Variants in CDS1 observed in about 807,000 individuals in gnomAD.
CDS1 encodes CDP-diacylglycerol synthase 1.
A neutral mutation model predicts 62.1 loss-of-function variants in CDS1; 41 were observed. The ratio of observed to expected loss-of-function variants is 0.66; its 90% CI spans 0.51 to 0.86. CDS1 has a LOEUF of 0.86. Among genes scored for constraint, CDS1 ranks in the 40% least tolerant of loss-of-function variants. The probability of loss-of-function intolerance (pLI) is 0.00; values close to 1 mark genes in which losing one functional copy is unlikely to be tolerated. For synonymous variants in CDS1, 185 were observed against 192.6 expected (o/e 0.96, Z 0.32); for missense variants, 470 against 550.1 (o/e 0.85, Z 1.46).
At chr4:84,630,376 A>T (rs1028798748) in intron 5 of CDS1, among the ~76,000 whole-genome samples, 6 of 152,102 alleles carry the variant, frequency 3.9e-5, no homozygotes, top group Non-Finnish European at 8.8e-5. Context: ...CTCATAGATG[A>T]CAAATAGGAG....
At chr4:84,623,040 C>T (rs191143815) in intron 5 of CDS1, among the ~76,000 whole-genome samples, 1 of 152,100 alleles carries the variant, frequency 6.6e-6, no homozygotes, top group Admixed American at 6.5e-5. Flanking sequence ...TGACCCATGT[C>T]TGTTGGTAGT....
chr4:84,639,143 C>T (rs9784505), intron 9 of CDS1, 151 bp downstream of exon 9: 25,441 of 340,566 alleles, frequency 0.075, 5,656 homozygotes, highest in African/African-American at 0.49. Context: ...TGTACCTCAG[C>T]AGCCCTTATC....
At chr4:84,632,729 C>G (rs1299723184) in intron 6 of CDS1, among the ~76,000 whole-genome samples, 1 of 152,060 alleles carries the variant, frequency 6.6e-6, no homozygotes, top group Non-Finnish European at 1.5e-5. Flanking sequence ...TTTAAGCAAT[C>G]AGAGTAAAAG....
Position 84,583,225 on chromosome 4 carries a change from T to A in CDS1, c.-177T>A. 5 of 513,298 alleles carry A rather than the reference T, an allele frequency of 9.7e-6. No homozygotes were observed. Among genetic ancestry groups the A allele is most frequent in the Non-Finnish European group, 1.7e-5 (5 of 291,604 alleles). The allele number at this position is 513,298 out of a possible 1,614,324, so 31.8% of individuals were successfully genotyped here. The stretch of plus-strand genomic sequence containing the variant: ...CTCGAGCGCTCTCTCGTTGATGCCG[T>A]TTTGGAGGTGACCGGCGCGGCGGCC... On this transcript the variant is annotated 5_prime_UTR_variant, in exon 1 of 13. Coordinates refer to ENST00000295887, the MANE Select transcript of CDS1 (RefSeq NM_001263.4).
At position 84,650,824 on chromosome 4, in the gene CDS1, T is replaced by G. The variant is rs974246905; in HGVS notation, c.*2138T>G. On this transcript the variant is annotated 3_prime_UTR_variant, in exon 13 of 13. Transcript: ENST00000295887. ...CTCGATTGACCTTTTTAGCATACTT[T>G]TATAGCATGTATATTAAAATAGAAT... 2.6e-5 allele frequency: 4 copies of G among 152,214 alleles called. No individual in the cohort carries two copies. Among genetic ancestry groups the G allele is most frequent in the Non-Finnish European group, 5.9e-5 (4 of 68,040 alleles). The allele number at this position is 152,214 out of a possible 1,614,324, so 9.4% of individuals were successfully genotyped here.
rs563606023 is a variant in CDS1 at position 84,583,439 on chromosome 4, C to T, written c.38C>T (p.Pro13Leu). 70 of 1,594,406 alleles carry T rather than the reference C, an allele frequency of 4.4e-5. 1 individual carries two copies. In the East Asian group the frequency reaches 1.4e-3, roughly 33 times the overall value. ...ELRHRGSCPGPREAVSPPHRE... is the reference protein window; with the variant it reads ...ELRHRGSCPGLREAVSPPHRE... ...AGGCACCGGGGAAGCTGCCCCGGCC[C>T]CAGGGAAGCGGTGTCGCCGCCACAC... The change falls in exon 1 of 13, where the codon CCC becomes CTC. Residue 13 changes from proline (P) to leucine (L), a missense_variant. Pro to Leu is a moderately conservative substitution (Grantham distance 98). Coordinates refer to ENST00000295887, the MANE Select transcript of CDS1 (RefSeq NM_001263.4).
intron 4 of CDS1, among the ~76,000 whole-genome samples, chr4:84,617,985 A>G (rs1263525811): frequency 1.3e-5 from 2 of 152,104 alleles, no homozygotes; most frequent in Non-Finnish European, 2.9e-5. Flanking sequence ...TTTTAGCAAA[A>G]TATTTACATA....
chr4:84,635,296 A>G lies in CDS1; in HGVS notation c.755A>G (p.Asn252Ser), dbSNP rs1560481283. 1 of 1,582,046 alleles carries G rather than the reference A, an allele frequency of 6.3e-7. No homozygotes were observed. The highest frequency in any genetic ancestry group is 8.6e-7 in the Non-Finnish European group (1 of 1,162,030). ...FLVPISSVIC[N>S]DITAYLFGFF... is the part of the protein sequence containing the mutation. ...GTTCCAATATCAAGTGTTATCTGCA[A>G]TGACATAACTGCTTACCTTTTTGGA... Residue 252 changes from asparagine (N) to serine (S), a missense_variant, in exon 8 of 13, where the codon AAT becomes AGT. Physicochemically the swap from Asn to Ser is conservative, Grantham distance 46. This residue lies in a region of CDS1 where 214 missense variants were observed against 242.4 expected (regional missense o/e 0.88). Transcript: ENST00000295887.
chr4:84,612,963 TG>T (rs1370351573), intron 3 of CDS1, among the ~76,000 whole-genome samples: 7 of 144,040 alleles, frequency 4.9e-5, no homozygotes, highest in African/African-American at 1.8e-4. Flanking sequence ...CACTCCAGTC[TG>T]GGTGACAGAG....
intron 4 of CDS1, among the ~76,000 whole-genome samples, chr4:84,618,115 T>G (rs1723558657): frequency 6.6e-6 from 1 of 152,190 alleles, no homozygotes; most frequent in South Asian, 2.1e-4. Flanking sequence ...TATTAACATT[T>G]AAAATTTTAT....
Position 84,635,619 on chromosome 4 carries a change from C to T in CDS1, c.810+268C>T, listed in dbSNP as rs374175908. On this transcript the variant is annotated intron_variant, in intron 8 of 12. Coordinates refer to ENST00000295887, the MANE Select transcript of CDS1 (RefSeq NM_001263.4). ...CCTGCCTGCCTGCCTGCCTGCCTGC[C>T]TGCCTGCCTTCCTTCCTTCCTTCCT... is the stretch of plus-strand genomic sequence containing the variant. 3.3e-3 allele frequency among the ~76,000 whole-genome samples: 333 copies of T among 99,786 alleles called. 1 individual carries two copies. Among genetic ancestry groups the T allele is most frequent in the South Asian group, 0.022 (48 of 2,218 alleles). The allele number at this position is 99,786 out of a possible 152,430, so 65.5% of individuals were successfully genotyped here.
intron 1 of CDS1, among the ~76,000 whole-genome samples, chr4:84,587,538 G>A (rs1722456295): frequency 6.6e-6 from 1 of 152,178 alleles, no homozygotes; most frequent in South Asian, 2.1e-4. Flanking sequence ...TGAAGTGGAT[G>A]ACCACAGATT....
chr4:84,618,264 C>A lies in CDS1; in HGVS notation c.440+603C>A, dbSNP rs1161453702. Among the ~76,000 whole-genome samples the A allele has an allele frequency of 3.9e-5, 6 of 152,176 alleles. No homozygotes were observed. The East Asian group carries it at 9.7e-4, about 25-fold the overall frequency. On this transcript the variant is annotated intron_variant, in intron 4 of 12. Transcript: ENST00000295887. Reference sequence around the variant, plus strand: ...TAAATATCAACCAGGGAGTCAGTGTCTTTTTAAAACAGATGGGGTTTAGAA... The same window carrying A: ...TAAATATCAACCAGGGAGTCAGTGTATTTTTAAAACAGATGGGGTTTAGAA...
chr4:84,648,250 T>G (rs1017797004), intron 12 of CDS1, among the ~76,000 whole-genome samples: 8 of 152,210 alleles, frequency 5.3e-5, no homozygotes, highest in African/African-American at 1.9e-4. Flanking sequence ...ATCTCAAGAT[T>G]TGCCATTTAT....
chr4:84,634,004 G>C, intron 7 of CDS1, 65 bp downstream of exon 7: 1 of 873,074 alleles, frequency 1.1e-6, no homozygotes, highest in Non-Finnish European at 1.8e-6. Flanking sequence ...CTTTAACGTT[G>C]GATAGTGTCT....
intron 1 of CDS1, among the ~76,000 whole-genome samples, chr4:84,590,271 A>G (rs1722553373): frequency 6.6e-6 from 1 of 152,218 alleles, no homozygotes; most frequent in Non-Finnish European, 1.5e-5. Flanking sequence ...CAAAGAGTTG[A>G]TGTGTCTTTT....
chr4:84,633,119 A>G (rs952544867), intron 6 of CDS1, among the ~76,000 whole-genome samples: 2 of 152,206 alleles, frequency 1.3e-5, no homozygotes, highest in East Asian at 1.9e-4. Context: ...GTGAGACCCT[A>G]TCTCAAGGGT....
At chr4:84,628,935 A>G (rs976080670) in intron 5 of CDS1, among the ~76,000 whole-genome samples, 1 of 152,210 alleles carries the variant, frequency 6.6e-6, no homozygotes, top group African/African-American at 2.4e-5. Context: ...AGATGTACGT[A>G]TCTTTGTATT....
At chr4:84,617,732 CA>C (rs1182056845) in intron 4 of CDS1, 71 bp downstream of exon 4, 1 of 695,554 alleles carries the variant, frequency 1.4e-6, no homozygotes, top group Non-Finnish European at 2.5e-6. Flanking sequence ...GCGTCTTGAT[CA>C]GTCAGTATCC....
Sources: allele counts gnomAD v4.1 joint callset (sites outside exome capture counted in the v4.1 genomes callset), GRCh38; gene constraint gnomAD v4.1.1; regional missense constraint gnomAD v4.1.1; transcripts MANE v1.5; gene names NCBI Gene and HGNC (gene_info 2026-07-23, HGNC 2026-07-21).